CNTN4: variants seen among roughly 807,000 people sequenced by gnomAD.
CNTN4 encodes the protein contactin-4.
CNTN4 carries 77 observed loss-of-function variants against 122.5 expected under a neutral mutation model. The observed-to-expected ratio is 0.63, with a 90% CI of 0.52 to 0.76. The LOEUF is 0.76. CNTN4 is among the 30% of genes least tolerant of loss of function. CNTN4 has a pLI of 0.00. For synonymous variants in CNTN4, 512 were observed against 447.0 expected (o/e 1.15, Z -1.83); for missense variants, 1,256 against 1,259.1 (o/e 1.00, Z 0.04).
At chr3:2,434,318 A>G (rs574105873) in intron 3 of CNTN4, among the ~76,000 whole-genome samples, 1 of 152,216 alleles carries the variant, frequency 6.6e-6, no homozygotes, top group Non-Finnish European at 1.5e-5. Flanking sequence ...GAATTGAACA[A>G]ATAAAATGTA....
intron 3 of CNTN4, among the ~76,000 whole-genome samples, chr3:2,390,375 A>G (rs537140563): frequency 5.9e-5 from 9 of 152,182 alleles, no homozygotes; most frequent in Admixed American, 2.0e-4. Context: ...AATGATCATA[A>G]AAGTTAAGAA....
At chr3:2,326,527 C>G (rs922536540) in intron 2 of CNTN4, among the ~76,000 whole-genome samples, 2 of 111,270 alleles carry the variant, frequency 1.8e-5, no homozygotes, top group African/African-American at 5.6e-5. Context: ...CACACACACA[C>G]AATCTTACTG....
intron 3 of CNTN4, among the ~76,000 whole-genome samples, chr3:2,564,461 T>C (rs142841001): frequency 1.4e-3 from 209 of 152,210 alleles, no homozygotes; most frequent in Middle Eastern, 6.8e-3. Context: ...CTCAAATGGC[T>C]CTAGGGATGA....
chr3:3,027,016 C>T (rs76042485), intron 15 of CNTN4, among the ~76,000 whole-genome samples: 2,476 of 152,120 alleles, frequency 0.016, 68 homozygotes, highest in African/African-American at 0.057. Context: ...CAAAACATAG[C>T]GGAATACAAA....
chr3:2,123,770 C>T (rs1018035435), intron 2 of CNTN4, among the ~76,000 whole-genome samples: 1 of 152,172 alleles, frequency 6.6e-6, no homozygotes, highest in South Asian at 2.1e-4. Flanking sequence ...ACTTACAGCT[C>T]TTGTCCTGCA....
intron 7 of CNTN4, among the ~76,000 whole-genome samples, chr3:2,856,950 G>A (rs568498929): frequency 9.2e-5 from 14 of 152,316 alleles, no homozygotes; most frequent in African/African-American, 2.6e-4. Context: ...ATCTGACAGC[G>A]TTGTATGGGT....
Position 2,336,139 on chromosome 3 carries a change from G to A in CNTN4, c.-144-3039G>A, listed in dbSNP as rs77624832. 2.6e-5 allele frequency among the ~76,000 whole-genome samples: 4 copies of A among 152,156 alleles called. No homozygotes were observed. In the South Asian group the frequency reaches 8.3e-4, roughly 32 times the overall value. The stretch of plus-strand genomic sequence containing the variant: ...ACAAGATCCATTACGGTCCTGAGAG[G>A]TTATGGTTTTGTTAAAAGGATTATT... On this transcript the variant is annotated intron_variant, in intron 2 of 24. Transcript: ENST00000418658.
intron 2 of CNTN4, among the ~76,000 whole-genome samples, chr3:2,297,707 TTTTG>T (rs1328850248): frequency 5.3e-5 from 8 of 152,064 alleles, no homozygotes; most frequent in African/African-American, 1.2e-4. Context: ...TTTTTGTGTG[TTTTG>T]TTTGTTTGTT....
chr3:2,739,486 C>G (rs2089330460), intron 5 of CNTN4, among the ~76,000 whole-genome samples: 1 of 151,944 alleles, frequency 6.6e-6, no homozygotes, highest in Non-Finnish European at 1.5e-5. Context: ...GGGTAGATCT[C>G]AAGAACATAA....
intron 3 of CNTN4, among the ~76,000 whole-genome samples, chr3:2,373,820 A>T (rs947603916): frequency 2.0e-5 from 3 of 152,174 alleles, no homozygotes; most frequent in African/African-American, 7.2e-5. Context: ...TTAAAGGTCA[A>T]CCTAATTAAA....
intron 6 of CNTN4, among the ~76,000 whole-genome samples, chr3:2,811,027 G>GA (rs562525698): frequency 0.016 from 2,222 of 136,986 alleles, 56 homozygotes; most frequent in African/African-American, 0.053. Flanking sequence ...AAAAAAAAAA[G>GA]AAAAAAAAAA....
intron 2 of CNTN4, among the ~76,000 whole-genome samples, chr3:2,207,140 A>G (rs967446945): frequency 3.3e-5 from 5 of 152,064 alleles, no homozygotes; most frequent in Admixed American, 6.6e-5. Flanking sequence ...TGATAAGTGT[A>G]GAGTGTGTTC....
At chr3:2,247,233 C>T (rs895413282) in intron 2 of CNTN4, among the ~76,000 whole-genome samples, 1 of 151,948 alleles carries the variant, frequency 6.6e-6, no homozygotes, top group East Asian at 1.9e-4. Context: ...ACCAGCTCTG[C>T]TAGAGTGTTG....
At chr3:2,896,100 A>C (rs1293134507) in intron 10 of CNTN4, among the ~76,000 whole-genome samples, 1 of 152,122 alleles carries the variant, frequency 6.6e-6, no homozygotes, top group Non-Finnish European at 1.5e-5. Context: ...CATTAGGTCC[A>C]AACGAATCTG....
intron 2 of CNTN4, among the ~76,000 whole-genome samples, chr3:2,223,129 A>G (rs981389405): frequency 6.6e-6 from 1 of 152,094 alleles, no homozygotes; most frequent in Non-Finnish European, 1.5e-5. Flanking sequence ...TTTACCAAAT[A>G]TTGAGAGTTA....
chr3:2,747,176 G>A (rs190570270), intron 6 of CNTN4, among the ~76,000 whole-genome samples: 9 of 152,026 alleles, frequency 5.9e-5, no homozygotes, highest in Admixed American at 2.6e-4. Flanking sequence ...TTGGGAGGCC[G>A]AGGCGGGCGG....
intron 4 of CNTN4, among the ~76,000 whole-genome samples, chr3:2,608,532 A>G (rs1167350099): frequency 6.6e-6 from 1 of 152,214 alleles, no homozygotes; most frequent in Non-Finnish European, 1.5e-5. Flanking sequence ...AGTCTGCTGC[A>G]GTGATCTCGG....
intron 13 of CNTN4, among the ~76,000 whole-genome samples, chr3:2,975,978 T>C (rs1693379449): frequency 1.3e-5 from 2 of 152,170 alleles, no homozygotes; most frequent in Non-Finnish European, 2.9e-5. Flanking sequence ...AGTGGAAACA[T>C]GGAGATCTTG....
intron 4 of CNTN4, among the ~76,000 whole-genome samples, chr3:2,620,504 A>AAAAT (rs1553590046): frequency 1.3e-4 from 19 of 151,362 alleles, no homozygotes; most frequent in African/African-American, 2.7e-4. Context: ...TGTATCCAAA[A>AAAAT]ATATATATAT....
Sources: gnomAD v4.1 joint callset for allele counts (sites outside exome capture counted in the v4.1 genomes callset) on GRCh38, gnomAD v4.1.1 for gene constraint, MANE v1.5 for transcripts, NCBI Gene and HGNC (gene_info 2026-07-23, HGNC 2026-07-21) for gene names.